INSL6: variants seen among roughly 807,000 people sequenced by gnomAD.
The protein encoded by INSL6 is insulin like 6, also known as insulin-like peptide INSL6.
INSL6 carries 16 observed loss-of-function variants against 9.4 expected under a neutral mutation model. The ratio of observed to expected loss-of-function variants is 1.70; its 90% CI spans 1.15 to 2.59. INSL6 has a LOEUF of 2.59. Among genes scored for constraint, INSL6 ranks in the 30% most tolerant of loss-of-function variants. INSL6 has a pLI of 0.00. For synonymous variants in INSL6, 154 were observed against 96.9 expected, an observed-to-expected ratio of 1.59 and a Z score of -3.46; for missense variants, 391 against 257.3, an observed-to-expected ratio of 1.52 and a Z score of -3.56.
the INSL6 span, among the ~76,000 whole-genome samples, chr9:5,035,772 T>G: frequency 2.6e-5 from 4 of 152,272 alleles, no homozygotes; most frequent in African/African-American, 9.6e-5. Context: ...ACAGCCAATA[T>G]CATACTGAAT....
At chr9:5,177,900 G>T (rs1020504267) in intron 1 of INSL6, among the ~76,000 whole-genome samples, 1 of 151,926 alleles carries the variant, frequency 6.6e-6, no homozygotes, top group Admixed American at 6.6e-5. Flanking sequence ...TTTTGAGTTG[G>T]AGTCTCGCTC....
chr9:5,058,647 C>CGGCA, the INSL6 span, among the ~76,000 whole-genome samples: 1 of 152,128 alleles, frequency 6.6e-6, no homozygotes, highest in Admixed American at 6.5e-5. Context: ...TCCATAGCAG[C>CGGCA]GGCACCATTT....
At chr9:5,138,048 G>A (rs931648200) in intron 2 of INSL6, among the ~76,000 whole-genome samples, 5 of 152,188 alleles carry the variant, frequency 3.3e-5, no homozygotes, top group East Asian at 1.9e-4. Context: ...TCTCATGCCA[G>A]TTAGAATGGT....
At chr9:5,107,465 C>G in the INSL6 span, among the ~76,000 whole-genome samples, 1 of 152,080 alleles carries the variant, frequency 6.6e-6, no homozygotes, top group Non-Finnish European at 1.5e-5. Context: ...GCTATTCAAA[C>G]AAATTACCTA....
the INSL6 span, chr9:5,094,702 T>G: frequency 6.6e-6 from 1 of 152,176 alleles, no homozygotes; most frequent in African/African-American, 2.4e-5. Context: ...GTTTCAGGCT[T>G]CAATGTCGAA....
chr9:5,054,726 A>G, the INSL6 span: 1 of 1,613,338 alleles, frequency 6.2e-7, no homozygotes, highest in African/African-American at 1.3e-5. This position sits in a 1 kb window ranked among gnomAD's most constrained non-coding sequence, Gnocchi z 4.9. Context: ...AAATCTGGAA[A>G]CTCTGCAGTC....
chr9:5,085,134 C>G, the INSL6 span: 2 of 647,528 alleles, frequency 3.1e-6, no homozygotes, highest in Non-Finnish European at 6.0e-6. Flanking sequence ...CACCATCACT[C>G]TGTAATACAT....
At chr9:5,108,500 T>G in the INSL6 span, 2 of 152,088 alleles carry the variant, frequency 1.3e-5, no homozygotes, top group African/African-American at 4.8e-5. Flanking sequence ...TATCCAATAA[T>G]CTTATATGAC....
intron 1 of INSL6, among the ~76,000 whole-genome samples, chr9:5,183,732 T>G (rs1261521396): frequency 6.6e-6 from 1 of 151,770 alleles, no homozygotes; most frequent in Non-Finnish European, 1.5e-5. Flanking sequence ...AAGGCTCTCC[T>G]TGCACTCCTG....
chr9:5,083,173 C>T, the INSL6 span, among the ~76,000 whole-genome samples: 24,513 of 151,920 alleles, frequency 0.16, 2,258 homozygotes, highest in Middle Eastern at 0.22. Flanking sequence ...AGCTTTTCTG[C>T]CTGCCTTTCT....
chr9:5,138,940 A>C (rs926562395), intron 2 of INSL6, among the ~76,000 whole-genome samples: 1 of 152,100 alleles, frequency 6.6e-6, no homozygotes, highest in East Asian at 1.9e-4. Flanking sequence ...CAAGAAAAGC[A>C]GGAGATTTTA....
chr9:5,147,510 A>G (rs577377463), intron 2 of INSL6, among the ~76,000 whole-genome samples: 1 of 152,308 alleles, frequency 6.6e-6, no homozygotes, highest in East Asian at 1.9e-4. Flanking sequence ...GGGAGTAGCT[A>G]GAGGCCCAGG....
chr9:5,130,636 TAAAA>T (rs1048985717), intron 3 of INSL6, among the ~76,000 whole-genome samples: 1 of 152,160 alleles, frequency 6.6e-6, no homozygotes, highest in African/African-American at 2.4e-5. Context: ...TATTTAATAA[TAAAA>T]AAGTTTAAGG....
the INSL6 span, among the ~76,000 whole-genome samples, chr9:5,070,750 G>T: frequency 6.6e-6 from 1 of 151,894 alleles, no homozygotes; most frequent in African/African-American, 2.4e-5. Flanking sequence ...GACCTGTGCA[G>T]TCCAAACCCA....
rs553521121 is a variant in INSL6 at position 5,164,875 on chromosome 9, GA to G, written c.290-611del. Among the ~76,000 whole-genome samples the G allele has an allele frequency of 8.5e-5, 13 of 152,272 alleles. No individual in the cohort carries two copies. The South Asian group carries it at 2.7e-3, about 32-fold the overall frequency. On this transcript the variant is annotated intron_variant, in intron 1 of 1. Transcript: ENST00000381641. Reference sequence around the variant, plus strand: ...CATTTTGTTTATCCATTTATCAATTGATGGACATTTGAGTGGTTTCCACTTT... The same window carrying G: ...CATTTTGTTTATCCATTTATCAATTGTGGACATTTGAGTGGTTTCCACTTT...
At chr9:5,065,251 T>C in the INSL6 span, among the ~76,000 whole-genome samples, 1 of 152,220 alleles carries the variant, frequency 6.6e-6, no homozygotes, top group Non-Finnish European at 1.5e-5. Flanking sequence ...TATTTATAAG[T>C]TGTACAAGTT....
the INSL6 span, among the ~76,000 whole-genome samples, chr9:5,052,601 G>C: frequency 6.6e-6 from 1 of 151,972 alleles, no homozygotes; most frequent in Non-Finnish European, 1.5e-5. Context: ...TAGAACATTT[G>C]CATCCTTTCT....
the INSL6 span, chr9:5,090,723 A>G: frequency 1.9e-6 from 3 of 1,572,086 alleles, no homozygotes; most frequent in Non-Finnish European, 2.6e-6. Flanking sequence ...CTGAAAGAAA[A>G]ATGTTTTATC....
At chr9:5,011,368 T>G in the INSL6 span, among the ~76,000 whole-genome samples, 1 of 152,026 alleles carries the variant, frequency 6.6e-6, no homozygotes, top group South Asian at 2.1e-4. Context: ...AAAAAATTTT[T>G]TTGTAGAGAT....
Sources: gnomAD v4.1 joint callset for allele counts (sites outside exome capture counted in the v4.1 genomes callset) on GRCh38, gnomAD v4.1.1 for gene constraint, Gnocchi (gnomAD v3.1) non-coding constraint, MANE v1.5 for transcripts, NCBI Gene and HGNC (gene_info 2026-07-23, HGNC 2026-07-21) for gene names.